Variants in CDS2 observed in about 807,000 individuals in gnomAD.
CDS2 encodes phosphatidate cytidylyltransferase 2.
CDS2 carries 47 observed loss-of-function variants against 59.0 expected under a neutral mutation model. The observed-to-expected ratio is 0.80, with a 90% CI of 0.63 to 1.02. The LOEUF is 1.02. CDS2 is among the 50% of genes least tolerant of loss of function. The pLI is 0.00. For synonymous variants in CDS2, 207 were observed against 206.4 expected (o/e 1.00, Z -0.02); for missense variants, 356 against 558.9 (o/e 0.64, Z 3.66).
intron 1 of CDS2, among the ~76,000 whole-genome samples, chr20:5,168,422 A>AC (rs1568538253): frequency 3.7e-4 from 51 of 138,068 alleles, no homozygotes; most frequent in African/African-American, 1.3e-3. Context: ...CCCCCCAAAA[A>AC]AAAAAAAAAA....
At chr20:5,186,560 T>G in intron 9 of CDS2, 127 bp from the exon 10 acceptor site, 1 of 826,710 alleles carries the variant, frequency 1.2e-6, no homozygotes, top group East Asian at 2.5e-5. Flanking sequence ...CATGAACCTC[T>G]GAGCACATAG....
rs73893915 is a variant in CDS2, at chr20:5,194,409, C to G, written c.*4175C>G. The G allele has an allele frequency of 2.0e-5, 3 of 152,238 alleles. No individual in the cohort carries two copies. Among genetic ancestry groups the G allele is most frequent in the African/African-American group, 7.2e-5 (3 of 41,454 alleles). The allele number at this position is 152,238 out of a possible 1,614,324, so 9.4% of individuals were successfully genotyped here. On this transcript the variant is annotated 3_prime_UTR_variant, in exon 13 of 13. Coordinates refer to ENST00000460006, the MANE Select transcript of CDS2 (RefSeq NM_003818.4). Reference sequence around the variant, plus strand: ...TGGACTCTCCTTATCCACATCCCTGCAGAAGGTGGGCCCTATTCTCAGAAG... The same window carrying G: ...TGGACTCTCCTTATCCACATCCCTGGAGAAGGTGGGCCCTATTCTCAGAAG...
Position 5,184,901 on chromosome 20 carries a change from G to T in CDS2, c.715G>T (p.Ala239Ser). The T allele has an allele frequency of 6.2e-7, 1 of 1,613,968 alleles. No individual in the cohort carries two copies. Among genetic ancestry groups the T allele is most frequent in the Non-Finnish European group, 8.5e-7 (1 of 1,179,918 alleles). ...ISCVICNDIM[A>S]YMFGFFFGRT... ...TTGTGTGATCTGTAATGACATCATG[G>T]CCTATATGTTTGGCTTTTTCTTTGG... The change falls in exon 8 of 13, where the codon GCC becomes TCC. Residue 239 changes from alanine to serine, a missense_variant. Ala to Ser is a moderately conservative substitution (Grantham distance 99, BLOSUM62 1). Transcript: ENST00000460006. This position sits in a 1 kb window ranked among gnomAD's most constrained non-coding sequence, Gnocchi z 4.3.
chr20:5,176,746 G>A lies in CDS2; in HGVS notation c.389+1G>A. On this transcript the variant is annotated splice_donor_variant, in intron 4 of 12. Transcript: ENST00000460006. LOFTEE classifies it high-confidence loss of function. The stretch of plus-strand genomic sequence containing the variant: ...TGCCCTGGTTCAGGACGCTCAGCTG[G>A]TAAGCTCTCCGGCCCCACAGAGGCT... 6.2e-7 allele frequency: 1 copy of A among 1,609,388 alleles called. No homozygotes were observed. Among genetic ancestry groups the A allele is most frequent in the Non-Finnish European group, 8.5e-7 (1 of 1,175,714 alleles).
chr20:5,177,593 T>G (rs1568541680), intron 4 of CDS2, among the ~76,000 whole-genome samples: 1 of 152,198 alleles, frequency 6.6e-6, no homozygotes, highest in East Asian at 1.9e-4. Context: ...TGCACCATGC[T>G]GAGAGGACCT....
intron 1 of CDS2, among the ~76,000 whole-genome samples, chr20:5,157,318 G>T (rs758166017): frequency 6.6e-6 from 1 of 152,142 alleles, no homozygotes; most frequent in Non-Finnish European, 1.5e-5. Context: ...AAGTAAAGAG[G>T]GGGAGAAGTG....
intron 1 of CDS2, among the ~76,000 whole-genome samples, chr20:5,164,358 T>C (rs1447758416): frequency 6.6e-6 from 1 of 152,176 alleles, no homozygotes; most frequent in Non-Finnish European, 1.5e-5. Context: ...TTTGCTCTCA[T>C]GTCTACTTAT....
chr20:5,148,812 C>G (rs1270650446), intron 1 of CDS2, among the ~76,000 whole-genome samples: 4 of 152,188 alleles, frequency 2.6e-5, no homozygotes, highest in Admixed American at 2.0e-4. Flanking sequence ...AGCCAAACAC[C>G]CAGTTTTCTC....
chr20:5,197,699 T>C lies in CDS2; in HGVS notation c.*7465T>C, dbSNP rs2091169080. On this transcript the variant is annotated 3_prime_UTR_variant, in exon 13 of 13. Transcript: ENST00000460006. The stretch of plus-strand genomic sequence containing the variant: ...CCTGTGCGCTACTGCTGTGCCATTT[T>C]CCCAACTTGGCGTTTCACTAAATGC... The C allele has an allele frequency of 6.6e-6, 1 of 152,234 alleles. No homozygotes were observed. Among genetic ancestry groups the C allele is most frequent in the Admixed American group, 6.5e-5 (1 of 15,274 alleles). The allele number at this position is 152,234 out of a possible 1,614,324, so 9.4% of individuals were successfully genotyped here. A position where few individuals can be genotyped will look rare whatever the true frequency, so the allele number is the denominator to read the frequency against.
chr20:5,145,297 A>G (rs16990670), intron 1 of CDS2, among the ~76,000 whole-genome samples: 1,774 of 129,024 alleles, frequency 0.014, 47 homozygotes, highest in African/African-American at 0.048. Flanking sequence ...CTAGCGCTCA[A>G]TATTCATGCT....
At chr20:5,165,659 C>A (rs1427558379) in intron 1 of CDS2, among the ~76,000 whole-genome samples, 2 of 152,168 alleles carry the variant, frequency 1.3e-5, no homozygotes, top group African/African-American at 2.4e-5. Context: ...GGCGATCCTC[C>A]CACTTTGGCC....
chr20:5,163,869 C>T (rs2090894514), intron 1 of CDS2, among the ~76,000 whole-genome samples: 1 of 150,588 alleles, frequency 6.6e-6, no homozygotes, highest in South Asian at 2.1e-4. Context: ...CGGCTCACTG[C>T]AGCCTCTACC....
intron 1 of CDS2, among the ~76,000 whole-genome samples, chr20:5,166,538 A>G (rs1726957218): frequency 6.6e-6 from 1 of 152,076 alleles, no homozygotes; most frequent in African/African-American, 2.4e-5. Flanking sequence ...CAGCAGAAGA[A>G]TAAGAGAGCT....
At chr20:5,127,376 C>G (rs1417326582) in intron 1 of CDS2, among the ~76,000 whole-genome samples, 1 of 152,158 alleles carries the variant, frequency 6.6e-6, no homozygotes, top group Non-Finnish European at 1.5e-5. Context: ...AGTGGCTCCC[C>G]CGGGGCGCAG....
chr20:5,146,889 T>A (rs1230130262), intron 1 of CDS2, among the ~76,000 whole-genome samples: 1 of 152,196 alleles, frequency 6.6e-6, no homozygotes, highest in African/African-American at 2.4e-5. Flanking sequence ...CCTTCTACCT[T>A]CCTGAGTGTG....
chr20:5,153,874 G>T (rs2090811809), intron 1 of CDS2, among the ~76,000 whole-genome samples: 1 of 152,158 alleles, frequency 6.6e-6, no homozygotes, highest in East Asian at 1.9e-4. Flanking sequence ...AGAGACATTT[G>T]CTTTTGCTTT....
intron 4 of CDS2, among the ~76,000 whole-genome samples, chr20:5,177,870 G>A (rs754890287): frequency 3.9e-5 from 6 of 152,214 alleles, no homozygotes; most frequent in Non-Finnish European, 7.3e-5. Context: ...TAGCTGGAAA[G>A]CAGTGTTTTG....
chr20:5,135,183 C>T (rs777379638), intron 1 of CDS2, among the ~76,000 whole-genome samples: 57 of 152,298 alleles, frequency 3.7e-4, no homozygotes, highest in African/African-American at 8.2e-4. Flanking sequence ...CTTCTCGCCT[C>T]GGCCTCTCAA....
At chr20:5,189,595 C>G (rs548481436) in intron 11 of CDS2, 140 bp from the exon 12 acceptor site, 44 of 668,796 alleles carry the variant, frequency 6.6e-5, no homozygotes, top group African/African-American at 6.1e-4. Context: ...AATATAGCCT[C>G]ACCATTAGAT....
Sources: allele counts gnomAD v4.1 joint callset (sites outside exome capture counted in the v4.1 genomes callset), GRCh38; gene constraint gnomAD v4.1.1; non-coding constraint Gnocchi (gnomAD v3.1); transcripts MANE v1.5; gene names NCBI Gene and HGNC (gene_info 2026-07-23, HGNC 2026-07-21).